SH3RF3: variants seen among roughly 807,000 people sequenced by gnomAD.
The protein encoded by SH3RF3 is SH3 domain containing ring finger 3, also known as E3 ubiquitin-protein ligase SH3RF3.
Under a neutral mutation model 66.3 loss-of-function variants are expected in SH3RF3, and 29 were observed. The ratio of observed to expected loss-of-function variants is 0.44; its 90% confidence interval spans 0.33 to 0.60. The LOEUF is 0.60. Ranked by LOEUF, SH3RF3 falls within the 20% of genes least tolerant of loss-of-function variation. The pLI is 0.04. For missense variants in SH3RF3, 1,194 were observed against 1,190.9 expected (o/e 1.00, Z -0.04); for synonymous variants, 583 against 532.0 (o/e 1.10, Z -1.32).
intron 1 of SH3RF3, among the ~76,000 whole-genome samples, chr2:109,210,487 C>T (rs1678947793): frequency 6.6e-6 from 1 of 152,164 alleles, no homozygotes. Context: ...GAGCTGCATC[C>T]CAGGGAGACA....
intron 1 of SH3RF3, among the ~76,000 whole-genome samples, chr2:109,332,153 AC>A (rs1365725850): frequency 1.1e-3 from 168 of 152,240 alleles, no homozygotes; most frequent in African/African-American, 3.8e-3. Context: ...GAGGCGCTTT[AC>A]CCATGAGAGG....
At chr2:109,259,107 C>T (rs1348659248) in intron 1 of SH3RF3, among the ~76,000 whole-genome samples, 1 of 152,272 alleles carries the variant, frequency 6.6e-6, no homozygotes, top group Non-Finnish European at 1.5e-5. Flanking sequence ...CACATACCTA[C>T]TGCCAGATCA....
chr2:109,176,436 T>C (rs763558875), intron 1 of SH3RF3, among the ~76,000 whole-genome samples: 1 of 152,126 alleles, frequency 6.6e-6, no homozygotes, highest in Non-Finnish European at 1.5e-5. Context: ...AATTTCTTGA[T>C]CAAAAGGCAT....
rs1203562765 is a variant in SH3RF3, at chr2:109,308,615, G to A, written c.574-39059G>A. On this transcript the variant is annotated intron_variant, in intron 1 of 9. Coordinates refer to ENST00000309415, the MANE Select transcript of SH3RF3 (RefSeq NM_001099289.3). ...TGATTTTTGTATAAGGTGTAAGGAA[G>A]GGATCCAGTTTCAGCTTTCTACATA... Among the ~76,000 whole-genome samples, 4 of 53,012 alleles carry A rather than the reference G, an allele frequency of 7.5e-5. No individual in the cohort carries two copies. The Admixed American group carries it at 1.0e-3, about 14-fold the overall frequency. 34.8% of individuals were successfully genotyped at this position (53,012 alleles called of 152,430 possible).
chr2:109,474,585 G>T lies in SH3RF3; in HGVS notation c.2149-16020G>T, dbSNP rs149780930. Reference sequence around the variant, plus strand: ...TTATAGCCATGGGCACAGTGTCCCTGCTTCAGACTTACCCAGGTTTGGGCA... The same window carrying T: ...TTATAGCCATGGGCACAGTGTCCCTTCTTCAGACTTACCCAGGTTTGGGCA... On this transcript the variant is annotated intron_variant, in intron 8 of 9. Coordinates refer to ENST00000309415, the MANE Select transcript of SH3RF3 (RefSeq NM_001099289.3). Among the ~76,000 whole-genome samples, 162 of 152,326 alleles carry T rather than the reference G, an allele frequency of 1.1e-3. 1 individual carries two copies. The East Asian group carries it at 0.019, about 17-fold the overall frequency.
intron 7 of SH3RF3, among the ~76,000 whole-genome samples, chr2:109,443,795 A>T (rs1677637401): frequency 6.6e-6 from 1 of 152,256 alleles, no homozygotes; most frequent in South Asian, 2.1e-4. Flanking sequence ...ATCTACAATT[A>T]TGGTCAGAGA....
chr2:109,377,946 G>A (rs1328804598), intron 3 of SH3RF3, among the ~76,000 whole-genome samples: 1 of 152,258 alleles, frequency 6.6e-6, no homozygotes, highest in African/African-American at 2.4e-5. Context: ...GATAGCTCGG[G>A]CATTGTTGTT....
chr2:109,390,596 A>C (rs1481950106), intron 3 of SH3RF3, among the ~76,000 whole-genome samples: 1 of 152,214 alleles, frequency 6.6e-6, no homozygotes, highest in African/African-American at 2.4e-5. Context: ...GGTGGGATCC[A>C]GGGAGGAAGA....
intron 1 of SH3RF3, among the ~76,000 whole-genome samples, chr2:109,167,465 A>G (rs903325522): frequency 1.3e-5 from 2 of 152,240 alleles, no homozygotes; most frequent in Non-Finnish European, 2.9e-5. Context: ...CCCCCAGGCT[A>G]GGAGAGCTGG....
chr2:109,140,999 A>C (rs1326763896), intron 1 of SH3RF3, among the ~76,000 whole-genome samples: 1 of 152,078 alleles, frequency 6.6e-6, no homozygotes, highest in African/African-American at 2.4e-5. Flanking sequence ...CATCCTGACA[A>C]CCAGACTCCT....
intron 8 of SH3RF3, among the ~76,000 whole-genome samples, chr2:109,458,565 C>G (rs1291899197): frequency 2.0e-5 from 1 of 48,864 alleles, no homozygotes; most frequent in Admixed American, 2.4e-4. Flanking sequence ...ACAGAACCAG[C>G]AGGAGACAGA....
chr2:109,441,743 C>T (rs1176743601), intron 7 of SH3RF3, among the ~76,000 whole-genome samples: 1 of 151,842 alleles, frequency 6.6e-6, no homozygotes, highest in Non-Finnish European at 1.5e-5. Context: ...TGTAACAAGG[C>T]AAATCACAAT....
At chr2:109,173,322 C>T (rs1414447314) in intron 1 of SH3RF3, among the ~76,000 whole-genome samples, 1 of 152,116 alleles carries the variant, frequency 6.6e-6, no homozygotes, top group Non-Finnish European at 1.5e-5. Context: ...CTCAGACTCT[C>T]CTTCCTGTGC....
chr2:109,478,479 T>C (rs1678748894), intron 8 of SH3RF3, among the ~76,000 whole-genome samples: 1 of 152,258 alleles, frequency 6.6e-6, no homozygotes, highest in Non-Finnish European at 1.5e-5. Flanking sequence ...TATTCAGTTA[T>C]CTAGATGTCT....
chr2:109,398,465 G>A, intron 3 of SH3RF3, 125 bp from the exon 4 acceptor site: 1 of 879,052 alleles, frequency 1.1e-6, no homozygotes, highest in East Asian at 2.7e-5. Context: ...TGTTTTCCCT[G>A]CAGTCTGACG....
intron 1 of SH3RF3, among the ~76,000 whole-genome samples, chr2:109,262,254 T>G (rs1010473004): frequency 1.3e-5 from 2 of 152,226 alleles, no homozygotes; most frequent in African/African-American, 4.8e-5. Context: ...CTTGAAAGCT[T>G]GGAGAGAAAC....
At chr2:109,342,457 T>C (rs1191957175) in intron 1 of SH3RF3, among the ~76,000 whole-genome samples, 2 of 152,126 alleles carry the variant, frequency 1.3e-5, no homozygotes, top group African/African-American at 2.4e-5. Flanking sequence ...GATGGGCTAA[T>C]TGTGAAGGGG....
At chr2:109,198,406 G>A (rs950291585) in intron 1 of SH3RF3, among the ~76,000 whole-genome samples, 48 of 152,168 alleles carry the variant, frequency 3.2e-4, no homozygotes, top group African/African-American at 1.2e-3. Context: ...TGTGCGAGAG[G>A]TAGAGGGGCA....
chr2:109,503,077 T>C lies in SH3RF3; in HGVS notation c.*1406T>C, dbSNP rs1451161328. ...CCTGAGTGGGGCTGATGAATGTATA[T>C]TCATTAGCACCATGGCTCACTTCCC... On this transcript the variant is annotated 3_prime_UTR_variant, in exon 10 of 10. Transcript: ENST00000309415. 6.6e-6 allele frequency: 1 copy of C among 152,134 alleles called. No individual in the cohort carries two copies. The highest frequency in any genetic ancestry group is 1.5e-5 in the Non-Finnish European group (1 of 68,032). The allele number at this position is 152,134 out of a possible 1,614,324, so 9.4% of individuals were successfully genotyped here. A position where few individuals can be genotyped will look rare whatever the true frequency, so the allele number is the denominator to read the frequency against.
Sources: allele counts gnomAD v4.1 joint callset (sites outside exome capture counted in the v4.1 genomes callset), GRCh38; gene constraint gnomAD v4.1.1; transcripts MANE v1.5; gene names NCBI Gene and HGNC (gene_info 2026-07-23, HGNC 2026-07-21).